The following TMEM196 variants were observed in gnomAD, a reference collection of about 807,000 sequenced individuals.
The protein encoded by TMEM196 is transmembrane protein 196.
A neutral mutation model predicts 20.0 loss-of-function variants in TMEM196; 17 were observed. The ratio of observed to expected loss-of-function variants is 0.85; its 90% confidence interval spans 0.58 to 1.27. The LOEUF (loss-of-function observed/expected upper bound fraction) is 1.27. Among genes scored for constraint, TMEM196 ranks in the 50% most tolerant of loss-of-function variants. TMEM196 has a pLI of 0.00. For missense variants in TMEM196, 267 were observed against 223.0 expected (o/e 1.20, Z -1.26); for synonymous variants, 113 against 88.9 (o/e 1.27, Z -1.52).
chr7:19,765,151 A>G (rs1785578661), intron 1 of TMEM196, among the ~76,000 whole-genome samples: 1 of 152,214 alleles, frequency 6.6e-6, no homozygotes, highest in African/African-American at 2.4e-5. Flanking sequence ...GCATCTGGAC[A>G]TTAGTTAACT....
rs1437129060 is a variant in TMEM196, at chr7:19,719,815, C to T, written c.*2313G>A. 2 of 152,060 alleles carry T rather than the reference C, an allele frequency of 1.3e-5. No individual in the cohort carries two copies. The highest frequency in any genetic ancestry group is 3.8e-4 in the East Asian group (2 of 5,204). 9.4% of individuals were successfully genotyped at this position (152,060 alleles called of 1,614,324 possible). ...AAAAATATATCTATACTTGGTTAAACATACACTGTAAACTATTTGAATAAT... is the reference window on the plus strand; with the variant it reads ...AAAAATATATCTATACTTGGTTAAATATACACTGTAAACTATTTGAATAAT... On this transcript the variant is annotated 3_prime_UTR_variant, in exon 5 of 5. Coordinates refer to ENST00000405844, the MANE Select transcript of TMEM196 (RefSeq NM_001363562.2).
rs1401140722 is a variant in TMEM196, at chr7:19,729,383, A to T, written c.203T>A (p.Val68Asp). ...ILCAKKKSGL[V>D]MILFSACCIC... is the part of the protein sequence containing the mutation. ...AATACAAACAAATCAAACACTTACG[A>T]CAAGTCCTGATTTTTTTTTGGCACA... The change falls in exon 2 of 5, where the codon GTC becomes GAC. Residue 68 changes from valine to aspartate, a missense_variant and splice_region_variant. Physicochemically the swap from Val to Asp is radical, Grantham distance 152. Coordinates refer to ENST00000405844, the MANE Select transcript of TMEM196 (RefSeq NM_001363562.2). The T allele has an allele frequency of 1.3e-6, 2 of 1,550,680 alleles. No homozygotes were observed. Among genetic ancestry groups the T allele is most frequent in the African/African-American group, 2.7e-5 (2 of 72,988 alleles).
In TMEM196 at chr7:19,733,298, AC is replaced by A. The variant is rs1784278486; in HGVS notation, c.148-3861del. On this transcript the variant is annotated intron_variant, in intron 1 of 4. Transcript: ENST00000405844. ...GGAGGTTTCTGCTTTTGCTTAGGAC[AC>A]AGAAAGATGCAAAGATGTCATTTCC... 2.0e-5 allele frequency among the ~76,000 whole-genome samples: 3 copies of A among 152,316 alleles called. No individual in the cohort carries two copies. In the South Asian group the frequency reaches 6.2e-4, roughly 32 times the overall value.
chr7:19,722,151 A>T lies in TMEM196; in HGVS notation c.534-17T>A. On this transcript the variant is annotated splice_polypyrimidine_tract_variant and intron_variant, in intron 4 of 4. Coordinates refer to ENST00000405844, the MANE Select transcript of TMEM196 (RefSeq NM_001363562.2). Reference sequence around the variant, plus strand: ...TGTTATTTCCTGTTAGAAAAATGACATGATTAATTAAAATTCGCTTTTGGA... The same window carrying T: ...TGTTATTTCCTGTTAGAAAAATGACTTGATTAATTAAAATTCGCTTTTGGA... The T allele has an allele frequency of 6.2e-7, 1 of 1,600,338 alleles. No individual in the cohort carries two copies. The highest frequency in any genetic ancestry group is 8.5e-7 in the Non-Finnish European group (1 of 1,173,746).
At chr7:19,752,538 A>G (rs2128031469) in intron 1 of TMEM196, among the ~76,000 whole-genome samples, 1 of 151,988 alleles carries the variant, frequency 6.6e-6, no homozygotes, top group South Asian at 2.1e-4. Flanking sequence ...GTTCATTCCT[A>G]GTATGATTTT....
chr7:19,746,514 A>G (rs1414592268), intron 1 of TMEM196, among the ~76,000 whole-genome samples: 2 of 152,242 alleles, frequency 1.3e-5, no homozygotes, highest in Non-Finnish European at 2.9e-5. Flanking sequence ...AAAACAAGTC[A>G]ATTTAGGCTA....
intron 1 of TMEM196, among the ~76,000 whole-genome samples, chr7:19,742,073 A>T (rs538718893): frequency 1.3e-5 from 2 of 152,166 alleles, no homozygotes; most frequent in African/African-American, 4.8e-5. Flanking sequence ...AGAATCTTGC[A>T]TCTGGACGAA....
At chr7:19,725,410 TC>T in intron 3 of TMEM196, 103 bp downstream of exon 3, 1 of 1,420,244 alleles carries the variant, frequency 7.0e-7, no homozygotes, top group Non-Finnish European at 9.4e-7. Flanking sequence ...ATGTATAAAA[TC>T]TGATTCCTCA....
chr7:19,751,647 A>G (rs539791797), intron 1 of TMEM196, among the ~76,000 whole-genome samples: 9 of 152,352 alleles, frequency 5.9e-5, no homozygotes, highest in Admixed American at 2.6e-4. Flanking sequence ...AATGTCCAAT[A>G]AACTATAAAT....
chr7:19,757,292 G>A (rs1785256797), intron 1 of TMEM196, among the ~76,000 whole-genome samples: 1 of 142,240 alleles, frequency 7.0e-6, no homozygotes, highest in East Asian at 2.1e-4. Context: ...TCTCATCTCA[G>A]CCACCCAAGT....
chr7:19,757,990 C>T (rs1785285061), intron 1 of TMEM196, among the ~76,000 whole-genome samples: 1 of 149,684 alleles, frequency 6.7e-6, no homozygotes, highest in South Asian at 2.1e-4. Flanking sequence ...ACTAAGAACC[C>T]CAGGCAAATG....
chr7:19,737,005 C>T (rs1329078452), intron 1 of TMEM196, among the ~76,000 whole-genome samples: 1 of 151,752 alleles, frequency 6.6e-6, no homozygotes, highest in East Asian at 1.9e-4. Context: ...GTAAATCAGG[C>T]CAGTTTTTTA....
chr7:19,730,042 G>A (rs1266657552), intron 1 of TMEM196, among the ~76,000 whole-genome samples: 1 of 152,088 alleles, frequency 6.6e-6, no homozygotes, highest in Non-Finnish European at 1.5e-5. Context: ...GGATCACAAG[G>A]TCAGGAGATC....
intron 1 of TMEM196, among the ~76,000 whole-genome samples, chr7:19,771,099 A>C (rs564740682): frequency 1.6e-4 from 24 of 152,286 alleles, no homozygotes; most frequent in Admixed American, 1.4e-3. Flanking sequence ...ATTTCTGTTT[A>C]TATGATAACA....
At chr7:19,729,507 G>T in intron 1 of TMEM196, 69 bp from the exon 2 acceptor site, 1 of 1,387,488 alleles carries the variant, frequency 7.2e-7, no homozygotes, top group Non-Finnish European at 9.9e-7. Flanking sequence ...TTAGCTTGTA[G>T]TTCACTCATG....
intron 1 of TMEM196, among the ~76,000 whole-genome samples, chr7:19,758,667 C>T (rs1299332722): frequency 6.6e-6 from 1 of 152,188 alleles, no homozygotes; most frequent in East Asian, 1.9e-4. Flanking sequence ...AATTATAATT[C>T]TCAACCAATA....
At chr7:19,744,813 C>T (rs1334471921) in intron 1 of TMEM196, among the ~76,000 whole-genome samples, 1 of 152,058 alleles carries the variant, frequency 6.6e-6, no homozygotes, top group Non-Finnish European at 1.5e-5. Flanking sequence ...AGTTCTCTCT[C>T]CCAATATTTC....
At chr7:19,760,933 G>A (rs573932198) in intron 1 of TMEM196, among the ~76,000 whole-genome samples, 1 of 152,184 alleles carries the variant, frequency 6.6e-6, no homozygotes, top group African/African-American at 2.4e-5. Flanking sequence ...GTCCCGCAGA[G>A]CTTTCTTCCA....
At chr7:19,746,566 C>G (rs1784759158) in intron 1 of TMEM196, among the ~76,000 whole-genome samples, 1 of 152,174 alleles carries the variant, frequency 6.6e-6, no homozygotes, top group Admixed American at 6.5e-5. Context: ...ATATAAATTA[C>G]TGAACTCATA....
Sources: allele counts gnomAD v4.1 joint callset (sites outside exome capture counted in the v4.1 genomes callset), GRCh38; gene constraint gnomAD v4.1.1; transcripts MANE v1.5; gene names NCBI Gene and HGNC (gene_info 2026-07-23, HGNC 2026-07-21).